Variants in C12orf42 observed in about 807,000 individuals in gnomAD.
The protein encoded by C12orf42 is chromosome 12 open reading frame 42, also known as uncharacterized protein C12orf42.
In C12orf42, 25 loss-of-function variants were observed where a neutral mutation model predicts 21.6. The ratio of observed to expected loss-of-function variants is 1.16; its 90% CI spans 0.84 to 1.62. C12orf42 has a LOEUF of 1.62. C12orf42 is among the 40% of genes most tolerant of loss of function. The pLI is 0.00. For synonymous variants in C12orf42, 174 were observed against 175.0 expected, an observed-to-expected ratio of 0.99 and a Z score of 0.05; for missense variants, 483 against 459.3, an observed-to-expected ratio of 1.05 and a Z score of -0.47.
intron 4 of C12orf42, among the ~76,000 whole-genome samples, chr12:103,322,981 C>T (rs2040333589): frequency 6.6e-6 from 1 of 152,100 alleles, no homozygotes; most frequent in Non-Finnish European, 1.5e-5. Flanking sequence ...TGCTCAGTTC[C>T]ATTCTATTTG....
intron 2 of C12orf42, among the ~76,000 whole-genome samples, chr12:103,469,338 A>G (rs1592945633): frequency 6.6e-6 from 1 of 152,256 alleles, no homozygotes. Context: ...TATAAAAATA[A>G]TACACATTCA....
At chr12:103,305,871 G>C (rs1046279266) in intron 5 of C12orf42, 103 bp downstream of exon 5, 1 of 1,359,216 alleles carries the variant, frequency 7.4e-7, no homozygotes, top group Non-Finnish European at 1.0e-6. Flanking sequence ...TTCTAGAATA[G>C]GACTGGCCAT....
chr12:103,231,468 C>T, the C12orf42 span, among the ~76,000 whole-genome samples: 1 of 152,308 alleles, frequency 6.6e-6, no homozygotes, highest in South Asian at 2.1e-4. Flanking sequence ...TTTATTTCTT[C>T]CTCCTCACTA....
intron 2 of C12orf42, among the ~76,000 whole-genome samples, chr12:103,411,782 C>A (rs1476150494): frequency 6.6e-6 from 1 of 152,214 alleles, no homozygotes; most frequent in African/African-American, 2.4e-5. Context: ...TTATAAATTA[C>A]CCTATCTAAA....
chr12:103,128,145 C>A, the C12orf42 span, among the ~76,000 whole-genome samples: 1 of 152,088 alleles, frequency 6.6e-6, no homozygotes, highest in Non-Finnish European at 1.5e-5. Context: ...GAACCACCAA[C>A]AATTTGAGGG....
At chr12:103,323,539 G>C (rs1031360484) in intron 4 of C12orf42, among the ~76,000 whole-genome samples, 2 of 152,200 alleles carry the variant, frequency 1.3e-5, no homozygotes, top group African/African-American at 4.8e-5. Flanking sequence ...AGACTGTGCA[G>C]ACAAAATAAA....
intron 1 of C12orf42, among the ~76,000 whole-genome samples, chr12:103,479,899 T>G (rs1954342083): frequency 6.6e-6 from 1 of 152,052 alleles, no homozygotes; most frequent in Non-Finnish European, 1.5e-5. Flanking sequence ...TGAAATTGCC[T>G]TTTTCCACTT....
chr12:103,162,412 C>T, the C12orf42 span, among the ~76,000 whole-genome samples: 2 of 151,974 alleles, frequency 1.3e-5, no homozygotes, highest in African/African-American at 4.8e-5. Context: ...GCAAGGTTGG[C>T]TGGGGGAAGC....
At chr12:103,158,386 C>G in the C12orf42 span, among the ~76,000 whole-genome samples, 3 of 152,186 alleles carry the variant, frequency 2.0e-5, no homozygotes, top group Non-Finnish European at 2.9e-5. Context: ...GCGCTGACCA[C>G]TCAGCACTGT....
At chr12:103,206,108 G>A in the C12orf42 span, among the ~76,000 whole-genome samples, 5 of 152,162 alleles carry the variant, frequency 3.3e-5, no homozygotes, top group Non-Finnish European at 7.3e-5. Flanking sequence ...TTTGCCTAGT[G>A]ACTAGGGTTT....
chr12:103,329,833 G>C (rs976537522), intron 4 of C12orf42, among the ~76,000 whole-genome samples: 1 of 151,648 alleles, frequency 6.6e-6, no homozygotes, highest in African/African-American at 2.4e-5. Context: ...GCTACAAATA[G>C]ACAAATATTA....
chr12:103,545,921 T>C, the C12orf42 span, among the ~76,000 whole-genome samples: 1 of 152,250 alleles, frequency 6.6e-6, no homozygotes, highest in African/African-American at 2.4e-5. Flanking sequence ...AACTTCACTA[T>C]GGCTCAGACT....
chr12:103,282,436 C>T (rs943486078), intron 4 of C12orf42, among the ~76,000 whole-genome samples: 1 of 152,156 alleles, frequency 6.6e-6, no homozygotes, highest in Non-Finnish European at 1.5e-5. Context: ...TGTTTAGATA[C>T]AATACTTACC....
chr12:103,226,615 T>A, the C12orf42 span, among the ~76,000 whole-genome samples: 1 of 152,076 alleles, frequency 6.6e-6, no homozygotes, highest in South Asian at 2.1e-4. Flanking sequence ...GGAGGGCTAG[T>A]CACGGAAAGA....
At position 103,476,468 on chromosome 12, in the gene C12orf42, C is replaced by T. The variant is rs558178302; in HGVS notation, c.78+1881G>A. On this transcript the variant is annotated intron_variant, in intron 2 of 5. Coordinates refer to ENST00000548883, the MANE Select transcript of C12orf42 (RefSeq NM_198521.5). ...AAGAACTCTGGCTTGATATGGATTA[C>T]GTGTTAACTATTGGATTCCCACTAA... 1.9e-4 allele frequency among the ~76,000 whole-genome samples: 29 copies of T among 152,270 alleles called. 1 individual carries two copies. In the South Asian group the frequency reaches 3.9e-3, roughly 21 times the overall value.
the C12orf42 span, among the ~76,000 whole-genome samples, chr12:103,536,696 C>G: frequency 1.3e-5 from 2 of 152,166 alleles, no homozygotes; most frequent in East Asian, 3.9e-4. Flanking sequence ...GCATTTGAGA[C>G]AGAAGGACCA....
intron 1 of C12orf42, among the ~76,000 whole-genome samples, chr12:103,495,494 C>T (rs537403195): frequency 4.7e-4 from 71 of 152,040 alleles, no homozygotes; most frequent in Middle Eastern, 3.4e-3. Context: ...GGGAGGGCGG[C>T]GGTGGCATCG....
the C12orf42 span, among the ~76,000 whole-genome samples, chr12:103,197,607 G>C: frequency 6.6e-6 from 1 of 152,310 alleles, no homozygotes; most frequent in South Asian, 2.1e-4. Context: ...TGGAGAGCTA[G>C]TATGGTCACT....
intron 10 of C12orf42, among the ~76,000 whole-genome samples, chr12:103,260,720 A>C (rs546453071): frequency 6.6e-6 from 1 of 152,218 alleles, no homozygotes; most frequent in Non-Finnish European, 1.5e-5. Flanking sequence ...AAAATAGGAA[A>C]CTGACAATTA....
Sources: gnomAD v4.1 joint callset for allele counts (sites outside exome capture counted in the v4.1 genomes callset) on GRCh38, gnomAD v4.1.1 for gene constraint, MANE v1.5 for transcripts, NCBI Gene and HGNC (gene_info 2026-07-23, HGNC 2026-07-21) for gene names.